The following CDH19 variants were observed in gnomAD, a reference collection of about 807,000 sequenced individuals.
CDH19 encodes cadherin-19.
In CDH19, 67 loss-of-function variants were observed where a neutral mutation model predicts 64.2. The observed-to-expected ratio is 1.04, with a 90% CI of 0.86 to 1.28. The LOEUF (loss-of-function observed/expected upper bound fraction) is 1.28. Ranked by LOEUF, CDH19 falls within the 50% of genes most tolerant of loss-of-function variation. CDH19 has a pLI of 0.00. For synonymous variants in CDH19, 346 were observed against 319.3 expected, an observed-to-expected ratio of 1.08 and a Z score of -0.89; for missense variants, 1,030 against 929.0, an observed-to-expected ratio of 1.11 and a Z score of -1.41.
At chr18:66,576,057 G>C (rs529244516) in intron 1 of CDH19, among the ~76,000 whole-genome samples, 2 of 151,268 alleles carry the variant, frequency 1.3e-5, no homozygotes, top group South Asian at 2.1e-4. Context: ...AAATAACAGA[G>C]TTTACTACAG....
At chr18:66,518,038 A>AAT (rs1299812343) in intron 9 of CDH19, among the ~76,000 whole-genome samples, 1 of 151,876 alleles carries the variant, frequency 6.6e-6, no homozygotes, top group Non-Finnish European at 1.5e-5. Context: ...TCCAACAAAT[A>AAT]ATAGTGTAAG....
chr18:66,580,854 A>C (rs1166512207), intron 1 of CDH19, among the ~76,000 whole-genome samples: 1 of 152,074 alleles, frequency 6.6e-6, no homozygotes, highest in Non-Finnish European at 1.5e-5. Flanking sequence ...CTATATTCCA[A>C]ACTTTCTATA....
intron 1 of CDH19, among the ~76,000 whole-genome samples, chr18:66,578,518 T>A (rs1355616010): frequency 6.6e-6 from 1 of 151,902 alleles, no homozygotes; most frequent in Non-Finnish European, 1.5e-5. Context: ...TCTCATACAC[T>A]GCTAGTGTGA....
At chr18:66,545,744 A>G (rs1021703428) in intron 5 of CDH19, among the ~76,000 whole-genome samples, 3 of 152,142 alleles carry the variant, frequency 2.0e-5, no homozygotes, top group Non-Finnish European at 2.9e-5. Flanking sequence ...TAGAGTTCCA[A>G]GAACGATAGT....
At chr18:66,569,880 A>T (rs1262822021) in intron 2 of CDH19, among the ~76,000 whole-genome samples, 1 of 151,666 alleles carries the variant, frequency 6.6e-6, no homozygotes, top group South Asian at 2.1e-4. Context: ...TGATGGCTTA[A>T]GTTATAATTT....
chr18:66,509,569 C>T (rs957811415), intron 10 of CDH19, among the ~76,000 whole-genome samples: 1 of 151,428 alleles, frequency 6.6e-6, no homozygotes, highest in African/African-American at 2.4e-5. Context: ...TAAATTGGTT[C>T]CAAAATGTCT....
chr18:66,504,754 A>C lies in CDH19; in HGVS notation c.*58T>G. ...GAGCCAGGGCACAAAACTCTTTAAG[A>C]CTACCATTGGGTTCGAATACACATT... On this transcript the variant is annotated 3_prime_UTR_variant, in exon 12 of 12. Coordinates refer to ENST00000262150, the MANE Select transcript of CDH19 (RefSeq NM_021153.4). 1 of 1,512,070 alleles carries C rather than the reference A, an allele frequency of 6.6e-7. No homozygotes were observed. 93.7% of individuals were successfully genotyped at this position (1,512,070 alleles called of 1,614,324 possible). A position where few individuals can be genotyped will look rare whatever the true frequency, so the allele number is the denominator to read the frequency against.
rs927901745 is a variant in CDH19, at chr18:66,535,011, G to C, written c.1311C>G (p.Asn437Lys). ...SLDREISAWY[N>K]LSITATEKYN... is the part of the protein sequence containing the mutation. ...ATTTTTCTGTGGCTGTAATACTTAG[G>C]TTGTACCAAGCACTGATTTCACGAT... The change falls in exon 8 of 12, where the codon AAC (asparagine) becomes AAG (lysine). Residue 437 changes from asparagine (N) to lysine (K), a missense_variant. Transcript: ENST00000262150. 1.3e-6 allele frequency: 2 copies of C among 1,492,846 alleles called. No individual in the cohort carries two copies. The highest frequency in any genetic ancestry group is 1.8e-6 in the Non-Finnish European group (2 of 1,103,604). The allele number at this position is 1,492,846 out of a possible 1,614,324, so 92.5% of individuals were successfully genotyped here. A position where few individuals can be genotyped will look rare whatever the true frequency, so the allele number is the denominator to read the frequency against.
At chr18:66,582,322 A>G (rs1988446919) in intron 1 of CDH19, among the ~76,000 whole-genome samples, 1 of 152,054 alleles carries the variant, frequency 6.6e-6, no homozygotes, top group African/African-American at 2.4e-5. Flanking sequence ...GATGGGATAA[A>G]TTTAGAAACT....
intron 3 of CDH19, among the ~76,000 whole-genome samples, chr18:66,565,117 T>C (rs1486965824): frequency 6.6e-6 from 1 of 151,922 alleles, no homozygotes. Flanking sequence ...CTATGACTTG[T>C]GGTCTAATAA....
intron 1 of CDH19, among the ~76,000 whole-genome samples, chr18:66,581,702 G>A (rs1178175573): frequency 6.6e-6 from 1 of 152,054 alleles, no homozygotes; most frequent in African/African-American, 2.4e-5. Flanking sequence ...TTTGGCCACT[G>A]AAGGCTGCAC....
chr18:66,589,251 CAT>C (rs540998156), intron 1 of CDH19, among the ~76,000 whole-genome samples: 64 of 149,006 alleles, frequency 4.3e-4, no homozygotes, highest in Admixed American at 2.8e-3. Context: ...AATATATATA[CAT>C]ATATATATAT....
intron 3 of CDH19, among the ~76,000 whole-genome samples, chr18:66,557,141 T>C (rs1364195164): frequency 1.3e-5 from 2 of 151,988 alleles, no homozygotes; most frequent in African/African-American, 4.8e-5. Flanking sequence ...TTATTCACAA[T>C]AGCAAAGACA....
In CDH19 at chr18:66,544,768, T is replaced by G. The variant is rs2144490157; in HGVS notation, c.911A>C (p.Asp304Ala). Residue 304 changes from aspartate to alanine, a missense_variant, in exon 6 of 12, where the codon GAC becomes GCC. Coordinates refer to ENST00000262150, the MANE Select transcript of CDH19 (RefSeq NM_021153.4). Reference protein sequence around the residue: ...SIEEDDSQTFDIITNHETQEG... With the variant: ...SIEEDDSQTFAIITNHETQEG... ...TTGAGTTTCATGATTAGTAATAATG[T>G]CAAATGTTTGCGAATCATCCTCTTC... is the stretch of plus-strand genomic sequence containing the variant. 1 of 1,611,936 alleles carries G rather than the reference T, an allele frequency of 6.2e-7. No individual in the cohort carries two copies. The highest frequency in any genetic ancestry group is 1.7e-5 in the Admixed American group (1 of 59,962).
chr18:66,506,789 A>C (rs2144330782), intron 11 of CDH19, among the ~76,000 whole-genome samples: 1 of 152,058 alleles, frequency 6.6e-6, no homozygotes, highest in African/African-American at 2.4e-5. Context: ...CACATGAAGT[A>C]ATGTTATGAA....
intron 11 of CDH19, 120 bp downstream of exon 11, chr18:66,508,875 A>G: frequency 9.3e-7 from 1 of 1,073,630 alleles, no homozygotes; most frequent in Non-Finnish European, 1.3e-6. Flanking sequence ...TAATGCTATA[A>G]TAGAATTAAC....
At chr18:66,533,209 TTATTAC>T (rs1986523846) in intron 8 of CDH19, among the ~76,000 whole-genome samples, 1 of 109,698 alleles carries the variant, frequency 9.1e-6, no homozygotes, top group Non-Finnish European at 1.9e-5. Flanking sequence ...TTTCTAGGAT[TTATTAC>T]ACACACACAC....
At chr18:66,530,047 G>C in intron 8 of CDH19, 81 bp from the exon 9 acceptor site, 1 of 614,624 alleles carries the variant, frequency 1.6e-6, no homozygotes, top group Non-Finnish European at 2.5e-6. Context: ...TTACATTAGA[G>C]GCTACGTGGT....
At chr18:66,599,850 A>T (rs1373283018) in intron 1 of CDH19, among the ~76,000 whole-genome samples, 1 of 152,010 alleles carries the variant, frequency 6.6e-6, no homozygotes, top group Non-Finnish European at 1.5e-5. Flanking sequence ...TGTGTATGGT[A>T]TAAAACAAAA....
Sources: gnomAD v4.1 joint callset for allele counts (sites outside exome capture counted in the v4.1 genomes callset) on GRCh38, gnomAD v4.1.1 for gene constraint, MANE v1.5 for transcripts, NCBI Gene and HGNC (gene_info 2026-07-23, HGNC 2026-07-21) for gene names.